The following CACNA1H variants were observed in gnomAD, a reference collection of about 807,000 sequenced individuals.
CACNA1H encodes the protein voltage-dependent T-type calcium channel subunit alpha-1H.
In CACNA1H, 149 loss-of-function variants were observed where a neutral mutation model predicts 192.5. That is an observed-to-expected ratio of 0.77 (90% CI 0.68 to 0.89). The LOEUF (loss-of-function observed/expected upper bound fraction) is 0.89, where lower values mean the gene tolerates loss of function less well. Among genes scored for constraint, CACNA1H ranks in the 40% least tolerant of loss-of-function variants. CACNA1H has a pLI of 0.00. For synonymous variants in CACNA1H, 2,202 were observed against 1,475.2 expected (o/e 1.49, Z -11.29); for missense variants, 4,257 against 3,423.5 (o/e 1.24, Z -6.08).
At chr16:1,158,478 C>T (rs975591674) in intron 2 of CACNA1H, among the ~76,000 whole-genome samples, 6 of 152,300 alleles carry the variant, frequency 3.9e-5, no homozygotes, top group Admixed American at 6.5e-5. Flanking sequence ...GAGCGCCTGT[C>T]GTAGTCATTC....
Position 1,210,660 on chromosome 16 carries a change from G to T in CACNA1H, c.4038+9G>T. 6.2e-7 allele frequency: 1 copy of T among 1,601,108 alleles called. No individual in the cohort carries two copies. The highest frequency in any genetic ancestry group is 8.5e-7 in the Non-Finnish European group (1 of 1,179,254). On this transcript the variant is annotated intron_variant, in intron 20 of 34. Coordinates refer to ENST00000348261, the MANE Select transcript of CACNA1H (RefSeq NM_021098.3). ...CGGAGATGATGGTGAAGGTACCGCG[G>T]GGCCCGGGGACTGCCCTTGTTCCCA...
Position 1,195,916 on chromosome 16 carries a change from C to G in CACNA1H, c.546-10C>G. On this transcript the variant is annotated splice_polypyrimidine_tract_variant and intron_variant, in intron 4 of 34. Transcript: ENST00000348261. ...CTTGTTGAGCTGCTCCCCCTCGGCC[C>G]CGCCCCCAGCATGATGGAGTACTCG... The G allele has an allele frequency of 6.2e-7, 1 of 1,610,874 alleles. No homozygotes were observed. Among genetic ancestry groups the G allele is most frequent in the South Asian group, 1.1e-5 (1 of 91,036 alleles).
intron 13 of CACNA1H, 57 bp from the exon 14 acceptor site, chr16:1,207,218 G>A (rs967714867): frequency 3.2e-6 from 5 of 1,559,694 alleles, no homozygotes; most frequent in Non-Finnish European, 4.3e-6. Context: ...CTGCCCCAAG[G>A]ACTTGCCGGC....
intron 30 of CACNA1H, among the ~76,000 whole-genome samples, chr16:1,216,402 C>T (rs1970030799): frequency 6.6e-6 from 1 of 152,232 alleles, no homozygotes; most frequent in African/African-American, 2.4e-5. Context: ...GGTGCGCCGC[C>T]CAGCGGGGCA....
At chr16:1,190,937 C>G (rs1023474907) in intron 2 of CACNA1H, among the ~76,000 whole-genome samples, 3 of 145,926 alleles carry the variant, frequency 2.1e-5, no homozygotes, top group Non-Finnish European at 4.5e-5. Flanking sequence ...TTCGCTGACC[C>G]AGCATGCTGG....
chr16:1,179,354 T>C (rs1050669238), intron 2 of CACNA1H, among the ~76,000 whole-genome samples: 1 of 152,058 alleles, frequency 6.6e-6, no homozygotes, highest in East Asian at 1.9e-4. Context: ...GCATCGGGGA[T>C]TGGGGGCCCC....
At position 1,215,305 on chromosome 16, in the gene CACNA1H, A is replaced by G. The variant is rs779872782; in HGVS notation, c.5103A>G (p.Ile1701Met). The change falls in exon 29 of 35, where the codon ATA becomes ATG. Residue 1701 changes from isoleucine to methionine, a missense_variant. Physicochemically the swap from Ile to Met is conservative, Grantham distance 10. Transcript: ENST00000348261. ...LSLMGITLEE[I>M]EMSAALPINP... ...TCATGGGCATCACGCTGGAGGAGATAGAGATGAGCGCCGCGCTGCCCATCA... is the reference window on the plus strand; with the variant it reads ...TCATGGGCATCACGCTGGAGGAGATGGAGATGAGCGCCGCGCTGCCCATCA... 1.2e-5 allele frequency: 20 copies of G among 1,610,528 alleles called. 1 individual carries two copies. The South Asian group carries it at 1.7e-4, about 13-fold the overall frequency.
chr16:1,189,081 C>T (rs191982009), intron 2 of CACNA1H, among the ~76,000 whole-genome samples: 141 of 152,342 alleles, frequency 9.3e-4, no homozygotes, highest in Admixed American at 1.7e-3. Context: ...GCGCTTACTG[C>T]CGCAGAAAGG....
intron 2 of CACNA1H, among the ~76,000 whole-genome samples, chr16:1,177,878 C>A (rs1965050750): frequency 1.3e-5 from 2 of 151,954 alleles, no homozygotes. Context: ...CTCCCAAAGG[C>A]CCCACTGGGT....
intron 11 of CACNA1H, among the ~76,000 whole-genome samples, chr16:1,205,596 A>G (rs1441985484): frequency 8.5e-5 from 13 of 152,230 alleles, no homozygotes; most frequent in African/African-American, 3.1e-4. Context: ...AGCGAGAAAG[A>G]CCAGCTTAAA....
intron 5 of CACNA1H, among the ~76,000 whole-genome samples, chr16:1,198,088 C>T (rs1313347393): frequency 1.3e-5 from 2 of 152,186 alleles, no homozygotes; most frequent in Non-Finnish European, 2.9e-5. Flanking sequence ...GGATCCCAGA[C>T]CTGCTGCAGA....
At chr16:1,217,487 C>G (rs1054463099) in intron 31 of CACNA1H, among the ~76,000 whole-genome samples, 1 of 151,994 alleles carries the variant, frequency 6.6e-6, no homozygotes, top group African/African-American at 2.4e-5. Flanking sequence ...CCCAGCCCTG[C>G]CCCTGCCGGG....
At position 1,218,999 on chromosome 16, in the gene CACNA1H, G is replaced by A. The variant is rs1003957584; in HGVS notation, c.5917G>A (p.Ala1973Thr). The A allele has an allele frequency of 7.7e-6, 12 of 1,550,120 alleles. No individual in the cohort carries two copies. Among genetic ancestry groups the A allele is most frequent in the East Asian group, 4.9e-5 (2 of 40,910 alleles). The change falls in exon 34 of 35, where the codon GCA (alanine) becomes ACA (threonine). Residue 1973 changes from alanine to threonine, a missense_variant. Physicochemically the swap from Ala to Thr is moderately conservative, Grantham distance 58. Transcript: ENST00000348261. Reference protein sequence around the residue: ...GSVASVHSPPAESCASLQIPL... With the variant: ...GSVASVHSPPTESCASLQIPL... ...CGTTGCCTCTGTGCACTCTCCGCCC[G>A]CAGAGTCCTGTGCCTCCCTCCAGAT...
In CACNA1H at chr16:1,180,503, C is replaced by A. The variant is rs1413243236; in HGVS notation, c.300-14469C>A. The stretch of plus-strand genomic sequence containing the variant: ...GCCTGTGTCCTGGTGTCCCTGGCGT[C>A]CCCATACCCCCTCCGAGGCACAGCC... On this transcript the variant is annotated intron_variant, in intron 2 of 34. Coordinates refer to ENST00000348261, the MANE Select transcript of CACNA1H (RefSeq NM_021098.3). The surrounding 1 kb of genome is among the most constrained non-coding windows in gnomAD (Gnocchi z 4.4). Among the ~76,000 whole-genome samples, 3 of 152,114 alleles carry A rather than the reference C, an allele frequency of 2.0e-5. No homozygotes were observed. Among genetic ancestry groups the A allele is most frequent in the Non-Finnish European group, 4.4e-5 (3 of 67,990 alleles).
At position 1,219,115 on chromosome 16, in the gene CACNA1H, G is replaced by C. The variant is rs1485677068; in HGVS notation, c.6033G>C (p.Arg2011=). ...RGTARSPSLS[R]LLCRQEAVHT... ...CAGCCCGCTCCCCCAGTCTCAGCCG[G>C]CTGCTCTGCAGACAGGTAGGAGAAG... The change falls in exon 34 of 35, where the codon CGG becomes CGC. Residue 2011 remains arginine, a synonymous_variant. Coordinates refer to ENST00000348261, the MANE Select transcript of CACNA1H (RefSeq NM_021098.3). 6.5e-7 allele frequency: 1 copy of C among 1,542,734 alleles called. No individual in the cohort carries two copies. Among genetic ancestry groups the C allele is most frequent in the Non-Finnish European group, 8.8e-7 (1 of 1,142,806 alleles).
chr16:1,203,994 G>T lies in CACNA1H; in HGVS notation c.2003-16G>T. On this transcript the variant is annotated splice_polypyrimidine_tract_variant and intron_variant, in intron 9 of 34. Transcript: ENST00000348261. Reference sequence around the variant, plus strand: ...CCACTGAGTGGGCCTGCCCCTGTCTGTGCCCTCTCCCGCAGGACTGGGCCA... The same window carrying T: ...CCACTGAGTGGGCCTGCCCCTGTCTTTGCCCTCTCCCGCAGGACTGGGCCA... 6.6e-7 allele frequency: 1 copy of T among 1,518,924 alleles called. No homozygotes were observed. The highest frequency in any genetic ancestry group is 1.2e-5 in the South Asian group (1 of 81,558). 94.1% of individuals were successfully genotyped at this position (1,518,924 alleles called of 1,614,324 possible). A position where few individuals can be genotyped will look rare whatever the true frequency, so the allele number is the denominator to read the frequency against.
intron 34 of CACNA1H, 80 bp downstream of exon 34, chr16:1,219,210 C>A: frequency 1.5e-6 from 2 of 1,355,676 alleles, no homozygotes; most frequent in Non-Finnish European, 9.8e-7. Flanking sequence ...TCTGAAGGAC[C>A]AGCAGACGAG....
chr16:1,198,808 C>G, intron 6 of CACNA1H, 34 bp downstream of exon 6: 1 of 1,585,170 alleles, frequency 6.3e-7, no homozygotes, highest in South Asian at 1.1e-5. Flanking sequence ...GGCCCCTGCC[C>G]AGATGGCCCT....
chr16:1,207,877 G>T lies in CACNA1H; in HGVS notation c.3154+17G>T. The stretch of plus-strand genomic sequence containing the variant: ...AGACCACAGGTGCGTGTGGTCGGTG[G>T]GTGGTCCGGGTTCTGGCGGGTGGAG... On this transcript the variant is annotated intron_variant, in intron 15 of 34. Coordinates refer to ENST00000348261, the MANE Select transcript of CACNA1H (RefSeq NM_021098.3). 6.4e-7 allele frequency: 1 copy of T among 1,573,162 alleles called. No homozygotes were observed. Among genetic ancestry groups the T allele is most frequent in the Non-Finnish European group, 8.6e-7 (1 of 1,159,454 alleles).
Sources: allele counts gnomAD v4.1 joint callset (sites outside exome capture counted in the v4.1 genomes callset), GRCh38; gene constraint gnomAD v4.1.1; non-coding constraint Gnocchi (gnomAD v3.1); transcripts MANE v1.5; gene names NCBI Gene and HGNC (gene_info 2026-07-23, HGNC 2026-07-21).